The following ACYP2 variants were observed in gnomAD, a reference collection of about 807,000 sequenced individuals.
ACYP2 encodes acylphosphatase-2.
ACYP2 carries 12 observed loss-of-function variants against 11.2 expected under a neutral mutation model. The ratio of observed to expected loss-of-function variants is 1.08; its 90% CI spans 0.69 to 1.74. The LOEUF (loss-of-function observed/expected upper bound fraction) is 1.74. Ranked by LOEUF, ACYP2 falls within the 40% of genes most tolerant of loss-of-function variation. The pLI is 0.00. For synonymous variants in ACYP2, 43 were observed against 32.2 expected (o/e 1.33, Z -1.13); for missense variants, 134 against 101.9 (o/e 1.31, Z -1.35).
intron 6 of ACYP2, among the ~76,000 whole-genome samples, chr2:54,288,975 T>A (rs1380908298): frequency 6.6e-6 from 1 of 152,042 alleles, no homozygotes; most frequent in Non-Finnish European, 1.5e-5. Context: ...CTTTTAATTC[T>A]ATTCAAAGCC....
At chr2:53,986,719 G>T (rs368337753) in intron 2 of ACYP2, among the ~76,000 whole-genome samples, 89 of 151,416 alleles carry the variant, frequency 5.9e-4, no homozygotes, top group African/African-American at 2.1e-3. Context: ...CTGCCTCCTG[G>T]GTTCAAGTGA....
intron 2 of ACYP2, among the ~76,000 whole-genome samples, chr2:54,012,310 A>C (rs1341435934): frequency 6.6e-6 from 1 of 152,000 alleles, no homozygotes; most frequent in Non-Finnish European, 1.5e-5. Context: ...GTTCAAGACC[A>C]GTCTGAGAAA....
intron 2 of ACYP2, among the ~76,000 whole-genome samples, chr2:54,035,633 A>G (rs1674857751): frequency 6.6e-6 from 1 of 152,184 alleles, no homozygotes; most frequent in South Asian, 2.1e-4. Context: ...ATACTCAACC[A>G]TCTACATGAT....
intron 6 of ACYP2, among the ~76,000 whole-genome samples, chr2:54,165,531 T>TCACACACACACACACA (rs1381014533): frequency 8.4e-6 from 1 of 119,566 alleles, no homozygotes; most frequent in African/African-American, 2.8e-5. Flanking sequence ...TCTCTCTCTC[T>TCACACACACACACACA]CTCTCACACA....
At chr2:54,017,277 T>TTTTC (rs1558474202) in intron 2 of ACYP2, among the ~76,000 whole-genome samples, 39 of 57,246 alleles carry the variant, frequency 6.8e-4, no homozygotes, top group Middle Eastern at 6.4e-3. Context: ...CTTTTCTTTT[T>TTTTC]TTTTTTTTTT....
intron 4 of ACYP2, among the ~76,000 whole-genome samples, chr2:54,074,364 A>C (rs930524009): frequency 6.6e-6 from 1 of 151,980 alleles, no homozygotes; most frequent in African/African-American, 2.4e-5. Context: ...AATAAATACC[A>C]AGGTGGGAGG....
chr2:54,191,282 T>C (rs1313250247), intron 6 of ACYP2, among the ~76,000 whole-genome samples: 2 of 152,168 alleles, frequency 1.3e-5, no homozygotes, highest in Non-Finnish European at 2.9e-5. Context: ...TACCATCCTC[T>C]CTCTCTGATC....
At chr2:54,271,001 A>G (rs970880606) in intron 6 of ACYP2, among the ~76,000 whole-genome samples, 2 of 152,216 alleles carry the variant, frequency 1.3e-5, no homozygotes, top group Non-Finnish European at 2.9e-5. Context: ...TATAAATGTC[A>G]TGGTTTGAAA....
intron 4 of ACYP2, among the ~76,000 whole-genome samples, chr2:54,107,184 T>G (rs1222540077): frequency 1.3e-5 from 2 of 152,198 alleles, no homozygotes; most frequent in Non-Finnish European, 2.9e-5. Flanking sequence ...GCTAGACATG[T>G]TCTTTTTAAT....
intron 4 of ACYP2, among the ~76,000 whole-genome samples, chr2:54,122,346 AG>A (rs1327073081): frequency 6.6e-6 from 1 of 152,238 alleles, no homozygotes. Context: ...CTTTCCACAA[AG>A]TGAGGTACAG....
chr2:54,128,972 T>G (rs989598932), intron 4 of ACYP2, among the ~76,000 whole-genome samples: 33 of 152,134 alleles, frequency 2.2e-4, no homozygotes, highest in African/African-American at 8.0e-4. Context: ...AAATAATGCT[T>G]TATCAGGTTT....
At chr2:54,302,208 T>G (rs1479091479) in intron 6 of ACYP2, among the ~76,000 whole-genome samples, 1 of 152,218 alleles carries the variant, frequency 6.6e-6, no homozygotes, top group Non-Finnish European at 1.5e-5. Flanking sequence ...TTTCTCCCTT[T>G]TCATTCTCTT....
intron 6 of ACYP2, among the ~76,000 whole-genome samples, chr2:54,179,534 T>C (rs976180736): frequency 6.6e-6 from 1 of 152,134 alleles, no homozygotes; most frequent in African/African-American, 2.4e-5. Flanking sequence ...GGTTGCCCAC[T>C]TTTTATGGTT....
chr2:54,046,087 T>A, intron 2 of ACYP2, among the ~76,000 whole-genome samples: 1 of 149,094 alleles, frequency 6.7e-6, no homozygotes, highest in Non-Finnish European at 1.5e-5. Flanking sequence ...GGAGGATTGC[T>A]TGAGCCCAGC....
At chr2:54,195,092 A>G (rs922905837) in intron 6 of ACYP2, among the ~76,000 whole-genome samples, 3 of 152,164 alleles carry the variant, frequency 2.0e-5, no homozygotes, top group Non-Finnish European at 4.4e-5. Flanking sequence ...CATATTTACA[A>G]TGGCAGTTTT....
chr2:54,166,980 G>C (rs1356638772), intron 6 of ACYP2: 1 of 151,344 alleles, frequency 6.6e-6, no homozygotes, highest in African/African-American at 2.4e-5. Flanking sequence ...AAACCTGCTG[G>C]ACAAATTCTG....
chr2:54,272,684 G>GA (rs1688361258), intron 6 of ACYP2, among the ~76,000 whole-genome samples: 1 of 152,278 alleles, frequency 6.6e-6, no homozygotes, highest in Admixed American at 6.5e-5. Context: ...GACTGTTCCT[G>GA]AATATGCATT....
At position 54,219,905 on chromosome 2, in the gene ACYP2, A is replaced by ATATATT. The variant is rs1288814375; in HGVS notation, c.404+81158_404+81159insATATTT. On this transcript the variant is annotated intron_variant, in intron 6 of 6. Transcript: ENST00000607452. ...TGTATATATATATATATATATATAT[A>ATATATT]TTTTTTTTTTTTTTTTAGTAGAGAT... Among the ~76,000 whole-genome samples, 495 of 75,934 alleles carry ATATATT rather than the reference A, an allele frequency of 6.5e-3. 2 individuals carry two copies. Among genetic ancestry groups the ATATATT allele is most frequent in the Middle Eastern group, 0.018 (2 of 114 alleles). 49.8% of individuals were successfully genotyped at this position (75,934 alleles called of 152,430 possible). A position where few individuals can be genotyped will look rare whatever the true frequency, so the allele number is the denominator to read the frequency against.
intron 4 of ACYP2, among the ~76,000 whole-genome samples, chr2:54,128,679 C>A (rs1680693920): frequency 6.6e-6 from 1 of 151,982 alleles, no homozygotes; most frequent in Non-Finnish European, 1.5e-5. Context: ...TAAAAAAATT[C>A]CTTTTATTCT....
Sources: allele counts gnomAD v4.1 joint callset (sites outside exome capture counted in the v4.1 genomes callset), GRCh38; gene constraint gnomAD v4.1.1; transcripts MANE v1.5; gene names NCBI Gene and HGNC (gene_info 2026-07-23, HGNC 2026-07-21).